The following TNS2 variants were observed in gnomAD, a reference collection of about 807,000 sequenced individuals.
TNS2 encodes the protein tensin 2.
Under a neutral mutation model 155.7 loss-of-function variants are expected in TNS2, and 77 were observed. The observed-to-expected ratio is 0.49, with a 90% CI of 0.41 to 0.60. The LOEUF (loss-of-function observed/expected upper bound fraction) is 0.60. TNS2 is among the 20% of genes least tolerant of loss of function. The pLI is 0.00. For missense variants in TNS2, 1,703 were observed against 1,868.8 expected (o/e 0.91, Z 1.64); for synonymous variants, 726 against 763.9 (o/e 0.95, Z 0.82).
At position 53,058,352 on chromosome 12, in the gene TNS2, C is replaced by T. The variant is rs1348269487; in HGVS notation, c.1132C>T (p.Arg378Trp). ...CYHKGGRGTD[R>W]TLVFRVQFHT... Reference sequence around the variant, plus strand: ...TCACAAGGGTGGCCGGGGCACAGACCGGACCCTCGTGTTCCGAGTCCAGTT... The same window carrying T: ...TCACAAGGGTGGCCGGGGCACAGACTGGACCCTCGTGTTCCGAGTCCAGTT... The change falls in exon 15 of 29, where the codon CGG becomes TGG. Residue 378 changes from arginine to tryptophan, a missense_variant. Coordinates refer to ENST00000314250, the MANE Select transcript of TNS2 (RefSeq NM_170754.4). The T allele has an allele frequency of 1.9e-6, 3 of 1,614,024 alleles. No individual in the cohort carries two copies. Among genetic ancestry groups the T allele is most frequent in the Non-Finnish European group, 2.5e-6 (3 of 1,180,032 alleles).
chr12:53,058,914 C>T, intron 17 of TNS2, 87 bp downstream of exon 17: 1 of 1,570,556 alleles, frequency 6.4e-7, no homozygotes, highest in South Asian at 1.1e-5. Flanking sequence ...CTCCCTCCTC[C>T]CCAGGCAGAG....
intron 3 of TNS2, chr12:53,053,116 C>T: frequency 4.6e-6 from 2 of 438,048 alleles, no homozygotes; most frequent in Non-Finnish European, 8.6e-6. Flanking sequence ...AGTGTCCATC[C>T]CTGGCCATGG....
rs199763931 is a variant in TNS2 at position 53,063,508 on chromosome 12, C to G, written c.4062-55C>G. 7,191 of 1,613,192 alleles carry G rather than the reference C, an allele frequency of 4.5e-3. 28 individuals carry two copies. The highest frequency in any genetic ancestry group is 5.0e-3 in the Non-Finnish European group (5,939 of 1,179,744). ...CCAGCCCCAGCCCCGGCCCCGGCCC[C>G]CCTTCAGCAGCTGTCCCCTGGGGTG... is the stretch of plus-strand genomic sequence containing the variant. On this transcript the variant is annotated intron_variant, in intron 27 of 28. Transcript: ENST00000314250. This position sits in a 1 kb window ranked among gnomAD's most constrained non-coding sequence, Gnocchi z 5.6.
chr12:53,052,331 C>T, intron 2 of TNS2, 124 bp from the exon 3 acceptor site: 1 of 1,259,908 alleles, frequency 7.9e-7, no homozygotes, highest in Non-Finnish European at 1.1e-6. Flanking sequence ...CCAGCCAGCC[C>T]AGTCCAGGTG....
intron 17 of TNS2, 74 bp downstream of exon 17, chr12:53,058,901 A>G (rs1421175015): frequency 1.3e-6 from 2 of 1,568,728 alleles, no homozygotes; most frequent in African/African-American, 1.4e-5. Flanking sequence ...AGGGAGAAGC[A>G]CACTCCCTCC....
intron 24 of TNS2, 79 bp downstream of exon 24, chr12:53,062,532 C>T (rs1436279267): frequency 1.9e-6 from 3 of 1,607,074 alleles, no homozygotes; most frequent in Middle Eastern, 1.7e-4. Context: ...CTTGGCTCCC[C>T]GCCTTCCCTT....
In TNS2 at chr12:53,060,949, G is replaced by A. The variant is rs533679959; in HGVS notation, c.3043G>A (p.Ala1015Thr). ...VPTTLPGLRH[A>T]PWQGPRGPPD... The stretch of plus-strand genomic sequence containing the variant: ...CACCACACTTCCTGGCCTCCGCCAC[G>A]CCCCCTGGCAAGGCCCTCGAGGCCC... The change falls in exon 20 of 29, where the codon GCC becomes ACC. Residue 1015 changes from alanine (A) to threonine (T), a missense_variant. Physicochemically the swap from Ala to Thr is moderately conservative, Grantham distance 58 (BLOSUM62 0). Coordinates refer to ENST00000314250, the MANE Select transcript of TNS2 (RefSeq NM_170754.4). The surrounding 1 kb of genome is among the most constrained non-coding windows in gnomAD (Gnocchi z 6.1). 22 of 1,601,796 alleles carry A rather than the reference G, an allele frequency of 1.4e-5. No individual in the cohort carries two copies. Among genetic ancestry groups the A allele is most frequent in the Middle Eastern group, 3.3e-4 (2 of 6,008 alleles).
rs146363137 is a variant in TNS2, at chr12:53,059,133, T to C, written c.1492T>C (p.Ser498Pro). The change falls in exon 18 of 29, where the codon TCT (serine) becomes CCT (proline). Residue 498 changes from serine (S) to proline (P), a missense_variant. By Grantham distance (74) the Ser-to-Pro change is moderately conservative. Coordinates refer to ENST00000314250, the MANE Select transcript of TNS2 (RefSeq NM_170754.4). This position sits in a 1 kb window ranked among gnomAD's most constrained non-coding sequence, Gnocchi z 4.7. ...TCCCCGGCAGACCCCCCCGGCACCC[T>C]CTCCAGAGCCTCCACCACCCCCCAT... ...RPPRQTPPAP[S>P]PEPPPPPMLS... 1.1e-3 allele frequency: 1,801 copies of C among 1,583,114 alleles called. 4 individuals are homozygous for C. The highest frequency in any genetic ancestry group is 1.2e-3 in the Non-Finnish European group (1,359 of 1,169,000).
rs1383764032 is a variant in TNS2 at position 53,058,351 on chromosome 12, C to T, written c.1131C>T (p.Asp377=). 1 of 1,614,062 alleles carries T rather than the reference C, an allele frequency of 6.2e-7. No homozygotes were observed. Among genetic ancestry groups the T allele is most frequent in the Non-Finnish European group, 8.5e-7 (1 of 1,180,044 alleles). ...TCYHKGGRGT[D]RTLVFRVQFH... is the part of the protein sequence containing the mutation. ...ATCACAAGGGTGGCCGGGGCACAGA[C>T]CGGACCCTCGTGTTCCGAGTCCAGT... The change falls in exon 15 of 29, where the codon GAC becomes GAT. Residue 377 remains aspartate, a synonymous_variant. Transcript: ENST00000314250.
At chr12:53,049,303 G>C, upstream of TNS2, 22 of 1,471,978 alleles carry the variant, frequency 1.5e-5, no homozygotes, top group Middle Eastern at 7.8e-4. Flanking sequence ...CTTGGGTAGA[G>C]AGCCCAAGTT....
In TNS2 at chr12:53,058,415, C is replaced by A. The variant is rs984661297; in HGVS notation, c.1195C>A (p.Pro399Thr). The A allele has an allele frequency of 2.7e-5, 44 of 1,614,060 alleles. No homozygotes were observed. The highest frequency in any genetic ancestry group is 3.6e-5 in the Non-Finnish European group (43 of 1,180,038). Residue 399 changes from proline to threonine, a missense_variant, in exon 15 of 29, where the codon CCC becomes ACC. Pro to Thr is a conservative substitution (Grantham distance 38). Transcript: ENST00000314250. Reference protein sequence around the residue: ...CTIHGPQLTFPKDQLDEAWTD... With the variant: ...CTIHGPQLTFTKDQLDEAWTD... ...CATCCACGGACCACAGCTCACTTTC[C>A]CCAAGGACCAGCTTGACGAGGCCTG...
In TNS2 at chr12:53,061,150, C is replaced by G; in HGVS notation, c.3244C>G (p.Pro1082Ala). ...PLPEKRHLPGPGQQPGPWGPE... is the reference protein window; with the variant it reads ...PLPEKRHLPGAGQQPGPWGPE... Reference sequence around the variant, plus strand: ...TCCTGAGAAACGCCACCTGCCCGGGCCGGGGCAACAGCCAGGACCCTGGGG... The same window carrying G: ...TCCTGAGAAACGCCACCTGCCCGGGGCGGGGCAACAGCCAGGACCCTGGGG... Residue 1082 changes from proline to alanine, a missense_variant, in exon 20 of 29, where the codon CCG (proline) becomes GCG (alanine). Pro to Ala is a conservative substitution (Grantham distance 27). Transcript: ENST00000314250. The G allele has an allele frequency of 1.2e-6, 2 of 1,608,660 alleles. No homozygotes were observed. Among genetic ancestry groups the G allele is most frequent in the Admixed American group, 1.7e-5 (1 of 59,442 alleles).
Position 53,052,411 on chromosome 12 carries a change from C to A in TNS2, c.185-44C>A, listed in dbSNP as rs1387175268. The A allele has an allele frequency of 1.9e-6, 3 of 1,612,758 alleles. No individual in the cohort carries two copies. The Admixed American group carries it at 5.0e-5, about 27-fold the overall frequency. ...AGGGAAGGCCATTCCTTCCACTGTC[C>A]CACAGGCCCCTGCTAACCCCTCTCC... On this transcript the variant is annotated intron_variant, in intron 2 of 28. Coordinates refer to ENST00000314250, the MANE Select transcript of TNS2 (RefSeq NM_170754.4).
intron 25 of TNS2, 49 bp downstream of exon 25, chr12:53,062,746 G>A: frequency 6.2e-7 from 1 of 1,601,616 alleles, no homozygotes; most frequent in Non-Finnish European, 8.5e-7. Flanking sequence ...CACCAAGGGG[G>A]CATTGTGGAT....
Position 53,057,634 on chromosome 12 carries a change from C to T in TNS2, c.913C>T (p.His305Tyr). 6.2e-7 allele frequency: 1 copy of T among 1,614,110 alleles called. No homozygotes were observed. The highest frequency in any genetic ancestry group is 8.5e-7 in the Non-Finnish European group (1 of 1,179,968). The stretch of plus-strand genomic sequence containing the variant: ...AATGAACAGCAGCCCTCTCTTCCTG[C>T]ACTATGTGCTCATCCCCATGCTGCC... ...IRMNSSPLFL[H>Y]YVLIPMLPAF... Residue 305 changes from histidine (H) to tyrosine (Y), a missense_variant, in exon 12 of 29, where the codon CAC becomes TAC. Coordinates refer to ENST00000314250, the MANE Select transcript of TNS2 (RefSeq NM_170754.4).
At chr12:53,058,538 A>G (rs1592251736) in intron 15 of TNS2, 34 bp from the exon 16 acceptor site, 2 of 1,613,940 alleles carry the variant, frequency 1.2e-6, no homozygotes, top group Non-Finnish European at 8.5e-7. Context: ...GGTATGGGCC[A>G]GGGGCCTGGT....
Position 53,059,922 on chromosome 12 carries a change from G to A in TNS2, c.2281G>A (p.Gly761Ser). 1 of 1,611,184 alleles carries A rather than the reference G, an allele frequency of 6.2e-7. No homozygotes were observed. Among genetic ancestry groups the A allele is most frequent in the South Asian group, 1.1e-5 (1 of 90,940 alleles). The change falls in exon 18 of 29, where the codon GGC becomes AGC. Residue 761 changes from glycine to serine, a missense_variant. Physicochemically the swap from Gly to Ser is moderately conservative, Grantham distance 56. Coordinates refer to ENST00000314250, the MANE Select transcript of TNS2 (RefSeq NM_170754.4). The surrounding 1 kb of genome is among the most constrained non-coding windows in gnomAD (Gnocchi z 4.7). ...DYSCLKPPKA[G>S]EEGHEGCSYT... ...CAGCTGCCTGAAGCCACCCAAGGCA[G>A]GCGAGGAAGGGCACGAGGGCTGCTC...
Position 53,060,474 on chromosome 12 carries a change from A to C in TNS2, c.2687A>C (p.Asp896Ala). The change falls in exon 19 of 29, where the codon GAT becomes GCT. Residue 896 changes from aspartate (D) to alanine (A), a missense_variant. Asp to Ala is a moderately radical substitution (Grantham distance 126). Transcript: ENST00000314250. This position sits in a 1 kb window ranked among gnomAD's most constrained non-coding sequence, Gnocchi z 6.1. ...AGCACACTGCCTCGGTCTCCCCGAG[A>C]TGCCCCATGCAGTGCTTCGTCAGAG... is the stretch of plus-strand genomic sequence containing the variant. ...GHSTLPRSPRDAPCSASSELS... is the reference protein window; with the variant it reads ...GHSTLPRSPRAAPCSASSELS... 1 of 1,613,774 alleles carries C rather than the reference A, an allele frequency of 6.2e-7. No homozygotes were observed. Among genetic ancestry groups the C allele is most frequent in the Non-Finnish European group, 8.5e-7 (1 of 1,179,982 alleles).
Position 53,060,391 on chromosome 12 carries a change from C to T in TNS2, c.2618-14C>T, listed in dbSNP as rs985382407. The T allele has an allele frequency of 1.2e-6, 2 of 1,609,946 alleles. No individual in the cohort carries two copies. The highest frequency in any genetic ancestry group is 1.7e-6 in the Non-Finnish European group (2 of 1,177,734). On this transcript the variant is annotated splice_polypyrimidine_tract_variant and intron_variant, in intron 18 of 28. Coordinates refer to ENST00000314250, the MANE Select transcript of TNS2 (RefSeq NM_170754.4). This position sits in a 1 kb window ranked among gnomAD's most constrained non-coding sequence, Gnocchi z 6.1. ...CCCATCCTGCTCACAGCCCACCTCTCCCCTTCACTGCAGAGTCGCTGGAGC... is the reference window on the plus strand; with the variant it reads ...CCCATCCTGCTCACAGCCCACCTCTTCCCTTCACTGCAGAGTCGCTGGAGC...
Sources: allele counts gnomAD v4.1 joint callset, GRCh38; gene constraint gnomAD v4.1.1; non-coding constraint Gnocchi (gnomAD v3.1); transcripts MANE v1.5; gene names NCBI Gene and HGNC (gene_info 2026-07-23, HGNC 2026-07-21).